ALCAM: variants seen among roughly 807,000 people sequenced by gnomAD.
ALCAM encodes the protein activated leukocyte cell adhesion molecule.
A neutral mutation model predicts 70.9 loss-of-function variants in ALCAM; 30 were observed. The observed-to-expected ratio is 0.42, with a 90% CI of 0.32 to 0.57. The LOEUF is 0.57. Among genes scored for constraint, ALCAM ranks in the 20% least tolerant of loss-of-function variants. The pLI is 0.11. For synonymous variants in ALCAM, 249 were observed against 242.5 expected (o/e 1.03, Z -0.25); for missense variants, 591 against 695.1 (o/e 0.85, Z 1.68).
chr3:105,424,716 G>A (rs1465542595), intron 1 of ALCAM, among the ~76,000 whole-genome samples: 3 of 151,718 alleles, frequency 2.0e-5, no homozygotes, highest in Admixed American at 1.3e-4. Flanking sequence ...AAGTGAGGAT[G>A]ATTTTGTAGG....
At chr3:105,520,967 A>G (rs1939520279) in intron 2 of ALCAM, among the ~76,000 whole-genome samples, 1 of 152,200 alleles carries the variant, frequency 6.6e-6, no homozygotes, top group Non-Finnish European at 1.5e-5. Context: ...GTTAAAAGGT[A>G]TTTGCAAAGG....
intron 1 of ALCAM, among the ~76,000 whole-genome samples, chr3:105,413,442 G>T (rs563057899): frequency 7.0e-4 from 106 of 152,114 alleles, no homozygotes; most frequent in Non-Finnish European, 1.1e-3. Context: ...CTACACATTT[G>T]CACATCTTTC....
chr3:105,470,664 G>A (rs1326423667), intron 1 of ALCAM, among the ~76,000 whole-genome samples: 1 of 151,222 alleles, frequency 6.6e-6, no homozygotes, highest in African/African-American at 2.4e-5. Flanking sequence ...AGAACCTTCT[G>A]TGGCATTTTC....
chr3:105,389,370 A>ATTT (rs1559774280), intron 1 of ALCAM, among the ~76,000 whole-genome samples: 40 of 25,056 alleles, frequency 1.6e-3, no homozygotes, highest in South Asian at 3.1e-3. Flanking sequence ...ATATATACAT[A>ATTT]GTTTTTTTTT....
intron 14 of ALCAM, among the ~76,000 whole-genome samples, chr3:105,566,223 A>T (rs1940739831): frequency 6.6e-6 from 1 of 152,248 alleles, no homozygotes; most frequent in South Asian, 2.1e-4. Flanking sequence ...ACCAAGGGAC[A>T]ACTGTACTAT....
intron 1 of ALCAM, among the ~76,000 whole-genome samples, chr3:105,397,461 A>G (rs1935983946): frequency 6.6e-6 from 1 of 152,012 alleles, no homozygotes; most frequent in Non-Finnish European, 1.5e-5. Flanking sequence ...AATTTAAAAA[A>G]TAATTTATAC....
intron 14 of ALCAM, among the ~76,000 whole-genome samples, chr3:105,556,909 T>G (rs1940530505): frequency 6.6e-6 from 1 of 152,052 alleles, no homozygotes; most frequent in Non-Finnish European, 1.5e-5. Context: ...TTTCTCTTTT[T>G]TTGGTTATTT....
intron 1 of ALCAM, among the ~76,000 whole-genome samples, chr3:105,456,118 A>G (rs1456908503): frequency 2.0e-5 from 3 of 152,172 alleles, no homozygotes; most frequent in Non-Finnish European, 4.4e-5. Flanking sequence ...ACAAAAAAGT[A>G]GGTGTAAATG....
intron 1 of ALCAM, among the ~76,000 whole-genome samples, chr3:105,376,813 A>G (rs755995797): frequency 4.6e-5 from 7 of 152,162 alleles, no homozygotes; most frequent in Non-Finnish European, 7.4e-5. Flanking sequence ...AGGAAATAAC[A>G]TGACTGAGGA....
chr3:105,378,257 G>A (rs190032249), intron 1 of ALCAM, among the ~76,000 whole-genome samples: 14 of 151,894 alleles, frequency 9.2e-5, no homozygotes, highest in Non-Finnish European at 1.0e-4. Context: ...ATTATATGCC[G>A]AAAGTAATAT....
intron 14 of ALCAM, among the ~76,000 whole-genome samples, chr3:105,553,727 A>G (rs543000988): frequency 1.5e-4 from 23 of 152,012 alleles, no homozygotes; most frequent in African/African-American, 5.3e-4. Context: ...CAACACATCT[A>G]TAAAGTACAC....
At chr3:105,429,771 G>A (rs1385734455) in intron 1 of ALCAM, among the ~76,000 whole-genome samples, 1 of 151,844 alleles carries the variant, frequency 6.6e-6, no homozygotes, top group Non-Finnish European at 1.5e-5. Context: ...GAATTAAAAT[G>A]AATTATTTTC....
chr3:105,423,858 T>C (rs1936729122), intron 1 of ALCAM, among the ~76,000 whole-genome samples: 1 of 151,684 alleles, frequency 6.6e-6, no homozygotes. Context: ...CCTAATCATA[T>C]AGTCAGTAAC....
intron 6 of ALCAM, 37 bp downstream of exon 6, chr3:105,534,882 A>G: frequency 6.6e-7 from 1 of 1,513,558 alleles, no homozygotes; most frequent in East Asian, 2.4e-5. Context: ...TATTTAATGT[A>G]TTAGAAATAA....
intron 1 of ALCAM, among the ~76,000 whole-genome samples, chr3:105,386,105 A>G (rs1407491946): frequency 6.6e-6 from 1 of 151,604 alleles, no homozygotes. Flanking sequence ...GCTTCTCTTC[A>G]CCCAAAGAGT....
At chr3:105,524,849 A>T in intron 3 of ALCAM, 1 of 1,020,992 alleles carries the variant, frequency 9.8e-7, no homozygotes, top group Non-Finnish European at 1.2e-6. Flanking sequence ...ACATACATAG[A>T]TATATGATAT....
intron 14 of ALCAM, among the ~76,000 whole-genome samples, chr3:105,559,175 T>A (rs1940579144): frequency 6.8e-6 from 1 of 148,082 alleles, no homozygotes; most frequent in South Asian, 2.1e-4. Flanking sequence ...TGTATATATA[T>A]TATATATACA....
chr3:105,558,996 C>G (rs888217810), intron 14 of ALCAM, among the ~76,000 whole-genome samples: 8 of 152,036 alleles, frequency 5.3e-5, no homozygotes, highest in African/African-American at 9.7e-5. Flanking sequence ...CCCTCTCTGC[C>G]TTGCAGCTTA....
intron 1 of ALCAM, among the ~76,000 whole-genome samples, chr3:105,447,416 A>G (rs949353807): frequency 1.1e-4 from 16 of 152,174 alleles, no homozygotes; most frequent in Non-Finnish European, 1.9e-4. Context: ...AGAGGAAGCT[A>G]AGACAGATAC....
Sources: allele counts gnomAD v4.1 joint callset (sites outside exome capture counted in the v4.1 genomes callset), GRCh38; gene constraint gnomAD v4.1.1; transcripts MANE v1.5; gene names NCBI Gene and HGNC (gene_info 2026-07-23, HGNC 2026-07-21).